The following TAFA2 variants were observed in gnomAD, a reference collection of about 807,000 sequenced individuals.
TAFA2 encodes chemokine-like protein TAFA-2.
A neutral mutation model predicts 18.8 loss-of-function variants in TAFA2; 7 were observed. That is an observed-to-expected ratio of 0.37 (90% CI 0.21 to 0.70). The LOEUF is 0.70. TAFA2 is among the 30% of genes least tolerant of loss of function. TAFA2 has a pLI of 0.53. For synonymous variants in TAFA2, 60 were observed against 54.2 expected (o/e 1.11, Z -0.47); for missense variants, 122 against 158.1 (o/e 0.77, Z 1.23).
chr12:61,779,987 G>A (rs1395933753), intron 2 of TAFA2, among the ~76,000 whole-genome samples: 1 of 151,932 alleles, frequency 6.6e-6, no homozygotes, highest in East Asian at 1.9e-4. Flanking sequence ...AACCAGAAGT[G>A]TAAGTCATAT....
intron 2 of TAFA2, among the ~76,000 whole-genome samples, chr12:61,757,832 A>G (rs1179009270): frequency 1.3e-5 from 2 of 152,048 alleles, no homozygotes; most frequent in Admixed American, 6.6e-5. Context: ...AAGAGAAATA[A>G]TTGTCCATTT....
At chr12:62,176,290 T>A (rs969012168) in intron 1 of TAFA2, among the ~76,000 whole-genome samples, 1 of 152,172 alleles carries the variant, frequency 6.6e-6, no homozygotes, top group African/African-American at 2.4e-5. Context: ...AATCAAAAAA[T>A]TAAAAGATTG....
chr12:61,879,326 CA>C, intron 1 of TAFA2: 1 of 574,496 alleles, frequency 1.7e-6, no homozygotes, highest in Non-Finnish European at 3.0e-6. Flanking sequence ...CCATGTCCAT[CA>C]AGGTGATCCA....
Position 61,847,249 on chromosome 12 carries a change from C to T in TAFA2, c.106+20071G>A, listed in dbSNP as rs541941501. On this transcript the variant is annotated intron_variant, in intron 2 of 4. Transcript: ENST00000416284. The stretch of plus-strand genomic sequence containing the variant: ...TAGATAAGAGTTTATTAAATACTCA[C>T]TGTGTTCACAATTTTATTAAACTAA... 9.2e-5 allele frequency among the ~76,000 whole-genome samples: 14 copies of T among 152,324 alleles called. 2 individuals carry two copies. Among genetic ancestry groups the T allele is most frequent in the Admixed American group, 8.5e-4 (13 of 15,296 alleles).
intron 1 of TAFA2, among the ~76,000 whole-genome samples, chr12:62,035,828 G>A (rs544261938): frequency 3.2e-4 from 42 of 129,908 alleles, no homozygotes; most frequent in African/African-American, 1.1e-3. Flanking sequence ...TGCAAGCTCC[G>A]CCTCCCGGGT....
At chr12:61,867,471 A>G in intron 1 of TAFA2, 45 bp from the exon 2 acceptor site, 1 of 1,189,930 alleles carries the variant, frequency 8.4e-7, no homozygotes. Flanking sequence ...GCAAATTCAT[A>G]GCTTTTCCCT....
intron 1 of TAFA2, among the ~76,000 whole-genome samples, chr12:61,938,601 A>G (rs537749801): frequency 7.6e-4 from 116 of 152,324 alleles, no homozygotes; most frequent in Middle Eastern, 3.4e-3. Flanking sequence ...AGACACCTGC[A>G]TGCATATGTT....
At chr12:61,929,340 C>A (rs574896403) in intron 1 of TAFA2, among the ~76,000 whole-genome samples, 1 of 152,034 alleles carries the variant, frequency 6.6e-6, no homozygotes, top group Non-Finnish European at 1.5e-5. Context: ...AACAAGTGGG[C>A]GAAGGATATG....
At chr12:61,749,282 A>AG (rs1200654412) in intron 4 of TAFA2, among the ~76,000 whole-genome samples, 1 of 152,004 alleles carries the variant, frequency 6.6e-6, no homozygotes, top group Non-Finnish European at 1.5e-5. Flanking sequence ...CAAAAAAAGG[A>AG]GAAAAAAAGA....
At chr12:62,084,448 C>G (rs751058496) in intron 1 of TAFA2, among the ~76,000 whole-genome samples, 1 of 152,082 alleles carries the variant, frequency 6.6e-6, no homozygotes, top group Non-Finnish European at 1.5e-5. Flanking sequence ...AGGGAAGGGT[C>G]TCTTGGCATA....
chr12:61,941,823 T>C (rs1399853462), intron 1 of TAFA2, among the ~76,000 whole-genome samples: 7 of 152,116 alleles, frequency 4.6e-5, no homozygotes, highest in Non-Finnish European at 8.8e-5. Context: ...ATCTCGCTGA[T>C]TGCTAGCACA....
intron 1 of TAFA2, among the ~76,000 whole-genome samples, chr12:62,053,061 A>C (rs572518839): frequency 5.3e-5 from 8 of 152,332 alleles, no homozygotes; most frequent in Non-Finnish European, 1.2e-4. Context: ...TATTGCAAAG[A>C]TTCAAAATTT....
intron 1 of TAFA2, among the ~76,000 whole-genome samples, chr12:61,972,391 ATTAG>A (rs1879279587): frequency 6.6e-6 from 1 of 151,526 alleles, no homozygotes; most frequent in African/African-American, 2.4e-5. Context: ...AAGATCCCAA[ATTAG>A]TTTCTTTAGG....
chr12:62,149,993 C>T (rs2062316410), intron 1 of TAFA2, among the ~76,000 whole-genome samples: 2 of 152,144 alleles, frequency 1.3e-5, no homozygotes, highest in African/African-American at 4.8e-5. Flanking sequence ...TTTGAAATTC[C>T]AAGAAACCTG....
intron 1 of TAFA2, among the ~76,000 whole-genome samples, chr12:62,101,970 G>A (rs1196972166): frequency 1.3e-5 from 2 of 152,176 alleles, no homozygotes; most frequent in African/African-American, 2.4e-5. Context: ...GGGTGGGACA[G>A]GAGGTTGGAG....
At chr12:61,761,385 C>A (rs1869540799) in intron 2 of TAFA2, among the ~76,000 whole-genome samples, 1 of 151,826 alleles carries the variant, frequency 6.6e-6, no homozygotes, top group Admixed American at 6.6e-5. Context: ...CACTTGTGAA[C>A]CAACCATAAA....
At chr12:61,897,556 G>A (rs1000465100) in intron 1 of TAFA2, among the ~76,000 whole-genome samples, 13 of 147,852 alleles carry the variant, frequency 8.8e-5, no homozygotes, top group African/African-American at 3.3e-4. Context: ...AGAGGAATGA[G>A]TGTGAAGGAG....
intron 1 of TAFA2, among the ~76,000 whole-genome samples, chr12:62,031,722 C>T (rs755377256): frequency 2.6e-5 from 4 of 152,114 alleles, no homozygotes; most frequent in Non-Finnish European, 5.9e-5. Flanking sequence ...AACTACACTA[C>T]GAATTTCTCC....
At chr12:61,836,756 T>TATATATATATACATATATATATATAC in intron 2 of TAFA2, among the ~76,000 whole-genome samples, 1 of 119,848 alleles carries the variant, frequency 8.3e-6, no homozygotes, top group Admixed American at 9.5e-5. Context: ...TATATATATA[T>TATATATATATACATATATATATATAC]ACACACACAC....
Sources: gnomAD v4.1 joint callset for allele counts (sites outside exome capture counted in the v4.1 genomes callset) on GRCh38, gnomAD v4.1.1 for gene constraint, MANE v1.5 for transcripts, NCBI Gene and HGNC (gene_info 2026-07-23, HGNC 2026-07-21) for gene names.